Variants in PLXNA2 observed in about 807,000 individuals in gnomAD.
PLXNA2 encodes plexin-A2.
A neutral mutation model predicts 193.5 loss-of-function variants in PLXNA2; 91 were observed. The ratio of observed to expected loss-of-function variants is 0.47; its 90% CI spans 0.40 to 0.56. PLXNA2 has a LOEUF of 0.56. PLXNA2 is among the 20% of genes least tolerant of loss of function. The probability of loss-of-function intolerance (pLI) is 0.00; values close to 1 mark genes in which losing one functional copy is unlikely to be tolerated. For synonymous variants in PLXNA2, 997 were observed against 1,027.3 expected (o/e 0.97, Z 0.56); for missense variants, 1,995 against 2,503.2 (o/e 0.80, Z 4.33).
intron 3 of PLXNA2, among the ~76,000 whole-genome samples, chr1:208,157,677 A>G (rs1245634176): frequency 2.0e-5 from 3 of 152,206 alleles, no homozygotes; most frequent in African/African-American, 4.8e-5. Flanking sequence ...ACTCCTGGGA[A>G]GAGTAGCTGT....
intron 16 of PLXNA2, 66 bp from the exon 17 acceptor site, chr1:208,051,168 C>T (rs1487861756): frequency 2.5e-6 from 4 of 1,594,994 alleles, no homozygotes; most frequent in Non-Finnish European, 3.4e-6. Flanking sequence ...GAACCTCCAC[C>T]TTAGGGATCC....
At chr1:208,156,569 A>G (rs1326348915) in intron 3 of PLXNA2, among the ~76,000 whole-genome samples, 1 of 152,208 alleles carries the variant, frequency 6.6e-6, no homozygotes, top group East Asian at 1.9e-4. Context: ...AAGGCATGCA[A>G]ACGAGTCAGT....
rs773902890 is a variant in PLXNA2 at position 208,044,597 on chromosome 1, C to T, written c.3785G>A (p.Arg1262His). 33 of 1,614,078 alleles carry T rather than the reference C, an allele frequency of 2.0e-5. No homozygotes were observed. The highest frequency in any genetic ancestry group is 2.5e-5 in the Non-Finnish European group (29 of 1,180,006). Residue 1262 changes from arginine (R) to histidine (H), a missense_variant, in exon 20 of 32, where the codon CGC (arginine) becomes CAC (histidine). Transcript: ENST00000367033. The surrounding 1 kb of genome is among the most constrained non-coding windows in gnomAD (Gnocchi z 4.9). Reference sequence around the variant, plus strand: ...AGTGAGGTCATTTTCTCGAGACTTGCGCTTGTAGGCAATGAGGACGATGAT... The same window carrying T: ...AGTGAGGTCATTTTCTCGAGACTTGTGCTTGTAGGCAATGAGGACGATGAT... Reference protein sequence around the residue: ...IVIIVLIAYKRKSRENDLTLK... With the variant: ...IVIIVLIAYKHKSRENDLTLK...
chr1:208,067,086 T>C (rs558712073), intron 12 of PLXNA2, among the ~76,000 whole-genome samples: 1 of 152,338 alleles, frequency 6.6e-6, no homozygotes, highest in African/African-American at 2.4e-5. Context: ...GGCTCATGCC[T>C]GTAATCCCAG....
rs528144885 is a variant in PLXNA2, at chr1:208,060,203, G to A, written c.2738+483C>T. Among the ~76,000 whole-genome samples, 8 of 152,236 alleles carry A rather than the reference G, an allele frequency of 5.3e-5. No individual in the cohort carries two copies. The East Asian group carries it at 5.8e-4, about 11-fold the overall frequency. On this transcript the variant is annotated intron_variant, in intron 13 of 31. Transcript: ENST00000367033. ...CTCCTGGAGCCCCGTTTGCCTGTCC[G>A]CAACTACATGCCTATTTTCTAATTT...
chr1:208,056,098 T>A (rs1225683981), intron 13 of PLXNA2, among the ~76,000 whole-genome samples: 1 of 152,266 alleles, frequency 6.6e-6, no homozygotes, highest in African/African-American at 2.4e-5. Context: ...TGTGTGGTTA[T>A]CTTCATGCTG....
chr1:208,052,112 A>C (rs536698188), intron 15 of PLXNA2, among the ~76,000 whole-genome samples: 110 of 152,268 alleles, frequency 7.2e-4, no homozygotes, highest in Non-Finnish European at 5.0e-4. Flanking sequence ...CTCACTTCTC[A>C]TTATTTTTAG....
chr1:208,219,855 T>G (rs1204320418), intron 1 of PLXNA2, among the ~76,000 whole-genome samples: 1 of 152,144 alleles, frequency 6.6e-6, no homozygotes, highest in Non-Finnish European at 1.5e-5. Context: ...ACACAGCCCT[T>G]CCGGCCCCAG....
At position 208,038,040 on chromosome 1, in the gene PLXNA2, C is replaced by T. The variant is rs2102311242; in HGVS notation, c.4764+331G>A. On this transcript the variant is annotated intron_variant, in intron 26 of 31. Coordinates refer to ENST00000367033, the MANE Select transcript of PLXNA2 (RefSeq NM_025179.4). This position sits in a 1 kb window ranked among gnomAD's most constrained non-coding sequence, Gnocchi z 4.1. ...TTAAGGTAGTTGTCCATGTGGAGGG[C>T]TTTGCAATATGCATTTGATTTTTGT... is the stretch of plus-strand genomic sequence containing the variant. 6.6e-6 allele frequency among the ~76,000 whole-genome samples: 1 copy of T among 152,316 alleles called. No individual in the cohort carries two copies. Among genetic ancestry groups the T allele is most frequent in the East Asian group, 1.9e-4 (1 of 5,190 alleles).
intron 4 of PLXNA2, among the ~76,000 whole-genome samples, chr1:208,104,234 G>T (rs972370270): frequency 9.2e-5 from 14 of 152,344 alleles, no homozygotes; most frequent in Admixed American, 9.2e-4. Context: ...TCTGCCTCTG[G>T]CAGGGGGACA....
chr1:208,147,035 ATTTT>A (rs1047896328), intron 3 of PLXNA2, among the ~76,000 whole-genome samples: 41 of 152,228 alleles, frequency 2.7e-4, no homozygotes, highest in African/African-American at 8.2e-4. Context: ...CTACTTATTT[ATTTT>A]AAGACAGGGT....
intron 13 of PLXNA2, among the ~76,000 whole-genome samples, chr1:208,058,419 G>A (rs183352224): frequency 7.2e-5 from 11 of 152,310 alleles, no homozygotes; most frequent in African/African-American, 2.4e-4. Flanking sequence ...AATCATTACC[G>A]TGCTGGCGAA....
intron 3 of PLXNA2, among the ~76,000 whole-genome samples, chr1:208,175,890 T>C (rs1486394718): frequency 6.6e-6 from 1 of 152,084 alleles, no homozygotes; most frequent in Non-Finnish European, 1.5e-5. Flanking sequence ...CTCACTAGGA[T>C]GGTTATAGGG....
At chr1:208,235,822 C>A (rs1439540342) in intron 1 of PLXNA2, among the ~76,000 whole-genome samples, 1 of 152,112 alleles carries the variant, frequency 6.6e-6, no homozygotes, top group Non-Finnish European at 1.5e-5. Flanking sequence ...AGTCTGTGGG[C>A]CAAGAAAGCT....
chr1:208,034,684 G>T, intron 26 of PLXNA2, 92 bp from the exon 27 acceptor site: 1 of 791,142 alleles, frequency 1.3e-6, no homozygotes, highest in South Asian at 1.5e-5. Flanking sequence ...TTATAAGATA[G>T]CTGTGGGGTA....
intron 12 of PLXNA2, among the ~76,000 whole-genome samples, chr1:208,062,524 G>T (rs552080652): frequency 6.6e-6 from 1 of 152,152 alleles, no homozygotes; most frequent in Non-Finnish European, 1.5e-5. Flanking sequence ...TCTATCCTCC[G>T]TAGGCCAAAG....
chr1:208,120,425 G>A (rs1667771698), intron 4 of PLXNA2, among the ~76,000 whole-genome samples: 1 of 152,182 alleles, frequency 6.6e-6, no homozygotes, highest in Admixed American at 6.5e-5. Context: ...TTTGACGCAT[G>A]GGGAGGGGCA....
intron 29 of PLXNA2, chr1:208,029,623 A>G (rs1277425120): frequency 4.1e-5 from 40 of 987,364 alleles, no homozygotes; most frequent in Non-Finnish European, 4.6e-5. Flanking sequence ...GCGTTCTTGT[A>G]TCTGGGCAGG....
At position 208,118,039 on chromosome 1, in the gene PLXNA2, T is replaced by C. The variant is rs540107726; in HGVS notation, c.1507-14792A>G. ...CATGATAAACATCTTGAAGAGACAG[T>C]AGGAGACAGCAGAAAGCTGCCTTGT... On this transcript the variant is annotated intron_variant, in intron 4 of 31. Coordinates refer to ENST00000367033, the MANE Select transcript of PLXNA2 (RefSeq NM_025179.4). 7.2e-5 allele frequency among the ~76,000 whole-genome samples: 11 copies of C among 152,220 alleles called. No individual in the cohort carries two copies. The South Asian group carries it at 2.3e-3, about 32-fold the overall frequency.
Sources: gnomAD v4.1 joint callset for allele counts (sites outside exome capture counted in the v4.1 genomes callset) on GRCh38, gnomAD v4.1.1 for gene constraint, Gnocchi (gnomAD v3.1) non-coding constraint, MANE v1.5 for transcripts, NCBI Gene and HGNC (gene_info 2026-07-23, HGNC 2026-07-21) for gene names.